CMPK1: variants seen among roughly 807,000 people sequenced by gnomAD.
The protein encoded by CMPK1 is UMP-CMP kinase.
Under a neutral mutation model 25.7 loss-of-function variants are expected in CMPK1, and 10 were observed. The ratio of observed to expected loss-of-function variants is 0.39; its 90% CI spans 0.24 to 0.66. The LOEUF (loss-of-function observed/expected upper bound fraction) is 0.66, where lower values mean the gene tolerates loss of function less well. CMPK1 is among the 30% of genes least tolerant of loss of function. The pLI, the probability that CMPK1 is intolerant of heterozygous loss-of-function variation, is 0.48. For synonymous variants in CMPK1, 106 were observed against 101.5 expected, an observed-to-expected ratio of 1.04 and a Z score of -0.27; for missense variants, 199 against 280.5, an observed-to-expected ratio of 0.71 and a Z score of 2.08.
intron 1 of CMPK1, among the ~76,000 whole-genome samples, chr1:47,344,207 G>A (rs1198248935): frequency 3.3e-5 from 5 of 152,154 alleles, no homozygotes; most frequent in Non-Finnish European, 5.9e-5. Flanking sequence ...ATTTAGGGAC[G>A]TTTAGGGAAG....
chr1:47,340,037 C>T lies in CMPK1; in HGVS notation c.171+5921C>T, dbSNP rs1256211087. Among the ~76,000 whole-genome samples, 173 of 27,162 alleles carry T rather than the reference C, an allele frequency of 6.4e-3. 1 individual carries two copies. Among genetic ancestry groups the T allele is most frequent in the Admixed American group, 0.047 (121 of 2,586 alleles). The allele number at this position is 27,162 out of a possible 152,430, so 17.8% of individuals were successfully genotyped here. On this transcript the variant is annotated intron_variant, in intron 1 of 5. Coordinates refer to ENST00000371873, the MANE Select transcript of CMPK1 (RefSeq NM_016308.3). ...TCTTCCCTCCCCTCCCCTTCCCTTC[C>T]CTCCCCTCCCCTCCCCTCCCCTCCC...
intron 2 of CMPK1, among the ~76,000 whole-genome samples, chr1:47,369,555 T>A (rs1646662009): frequency 6.6e-6 from 1 of 152,106 alleles, no homozygotes; most frequent in African/African-American, 2.4e-5. Context: ...TCCTTTTTTC[T>A]TTTTTGCTTG....
chr1:47,365,300 G>A (rs1049196501), intron 1 of CMPK1, among the ~76,000 whole-genome samples: 5 of 121,980 alleles, frequency 4.1e-5, no homozygotes, highest in Non-Finnish European at 7.0e-5. Context: ...TTGTGTTTTC[G>A]TTGTTTTCTG....
At chr1:47,337,582 T>G (rs2149323528) in intron 1 of CMPK1, among the ~76,000 whole-genome samples, 1 of 152,176 alleles carries the variant, frequency 6.6e-6, no homozygotes, top group African/African-American at 2.4e-5. Context: ...CAATTGCTAT[T>G]CCCTAGCTGG....
chr1:47,347,264 C>CAGTG (rs1273925174), intron 1 of CMPK1, among the ~76,000 whole-genome samples: 2 of 151,728 alleles, frequency 1.3e-5, no homozygotes, highest in Non-Finnish European at 2.9e-5. Flanking sequence ...GGCTGGAGTG[C>CAGTG]AGTGGCACAA....
intron 1 of CMPK1, among the ~76,000 whole-genome samples, chr1:47,363,683 G>A (rs1209521273): frequency 6.6e-6 from 1 of 151,706 alleles, no homozygotes; most frequent in Non-Finnish European, 1.5e-5. Flanking sequence ...GGTGGCTCAC[G>A]CTTGTAATCC....
intron 1 of CMPK1, among the ~76,000 whole-genome samples, chr1:47,336,138 GAAAT>G (rs61064131): frequency 6.6e-5 from 10 of 150,508 alleles, no homozygotes; most frequent in Admixed American, 6.6e-5. Context: ...CTCCGTCTCA[GAAAT>G]AAATAAATAA....
chr1:47,339,750 C>G (rs1646426176), intron 1 of CMPK1, among the ~76,000 whole-genome samples: 1 of 148,170 alleles, frequency 6.7e-6, no homozygotes, highest in Admixed American at 6.8e-5. Flanking sequence ...CTCTGTCGCC[C>G]AGACGGGAGT....
rs567797279 is a variant in CMPK1 at position 47,360,555 on chromosome 1, A to T, written c.172-7914A>T. Among the ~76,000 whole-genome samples the T allele has an allele frequency of 2.0e-5, 3 of 152,336 alleles. No homozygotes were observed. In the South Asian group the frequency reaches 6.2e-4, roughly 32 times the overall value. On this transcript the variant is annotated intron_variant, in intron 1 of 5. Transcript: ENST00000371873. Reference sequence around the variant, plus strand: ...GAAGAATCAGCTTCCCCAAGCAGACAATCATCAAGTCATTAAAGTCATAAA... The same window carrying T: ...GAAGAATCAGCTTCCCCAAGCAGACTATCATCAAGTCATTAAAGTCATAAA...
At chr1:47,368,740 A>G in intron 2 of CMPK1, 125 bp downstream of exon 2, 1 of 853,662 alleles carries the variant, frequency 1.2e-6, no homozygotes, top group Non-Finnish European at 1.7e-6. Context: ...CAAGAGGATC[A>G]CTTGAGGCCA....
intron 1 of CMPK1, among the ~76,000 whole-genome samples, chr1:47,343,760 C>T (rs1018641277): frequency 2.6e-5 from 4 of 151,564 alleles, no homozygotes; most frequent in African/African-American, 7.3e-5. Flanking sequence ...TGGTGGCGGG[C>T]GCCTGTAGTC....
chr1:47,377,393 C>T lies in CMPK1; in HGVS notation c.*648C>T, dbSNP rs1646714975. On this transcript the variant is annotated 3_prime_UTR_variant, in exon 6 of 6. Coordinates refer to ENST00000371873, the MANE Select transcript of CMPK1 (RefSeq NM_016308.3). ...GGGGCACTAGGGGTTCAGAGCCTGG[C>T]AGAATTGTCAGCTTTAGTCTGACAT... 6.6e-6 allele frequency: 1 copy of T among 152,196 alleles called. No homozygotes were observed. The highest frequency in any genetic ancestry group is 6.6e-5 in the Admixed American group (1 of 15,266). The allele number at this position is 152,196 out of a possible 1,614,324, so 9.4% of individuals were successfully genotyped here.
At position 47,333,943 on chromosome 1, in the gene CMPK1, T is replaced by C; in HGVS notation, c.-3T>C. The C allele has an allele frequency of 1.5e-6, 2 of 1,368,882 alleles. No homozygotes were observed. Among genetic ancestry groups the C allele is most frequent in the South Asian group, 1.5e-5 (1 of 65,460 alleles). The allele number at this position is 1,368,882 out of a possible 1,614,324, so 84.8% of individuals were successfully genotyped here. ...CCCTCAGCGTCCGGCCGAGGCGCGGTGTATGCTGAGCCGCTGCCGCAGCGG... is the reference window on the plus strand; with the variant it reads ...CCCTCAGCGTCCGGCCGAGGCGCGGCGTATGCTGAGCCGCTGCCGCAGCGG... On this transcript the variant is annotated 5_prime_UTR_variant, in exon 1 of 6. Transcript: ENST00000371873.
At chr1:47,371,766 G>A (rs1293892508) in intron 2 of CMPK1, among the ~76,000 whole-genome samples, 5 of 152,164 alleles carry the variant, frequency 3.3e-5, no homozygotes, top group Non-Finnish European at 2.9e-5. Context: ...AAAACAAAAT[G>A]TTTGTTTTGA....
intron 1 of CMPK1, chr1:47,358,321 T>C (rs1242425674): frequency 1.4e-6 from 1 of 693,200 alleles, no homozygotes; most frequent in Admixed American, 2.3e-5. Flanking sequence ...CTATGGTGCA[T>C]AGGCTGATCT....
intron 1 of CMPK1, among the ~76,000 whole-genome samples, chr1:47,359,067 C>G (rs1290653621): frequency 6.6e-6 from 1 of 152,074 alleles, no homozygotes; most frequent in African/African-American, 2.4e-5. Flanking sequence ...ACCTGTAATC[C>G]GTGCACTTTG....
At chr1:47,358,589 G>C (rs910347596) in intron 1 of CMPK1, 31 of 997,996 alleles carry the variant, frequency 3.1e-5, no homozygotes, top group Non-Finnish European at 3.6e-5. Context: ...ATTACCCACT[G>C]TCACACTGGG....
In CMPK1 at chr1:47,377,802, T is replaced by C. The variant is rs1268980749; in HGVS notation, c.*1057T>C. The C allele has an allele frequency of 6.6e-6, 1 of 152,624 alleles. No homozygotes were observed. Among genetic ancestry groups the C allele is most frequent in the Non-Finnish European group, 1.5e-5 (1 of 68,032 alleles). The allele number at this position is 152,624 out of a possible 1,614,324, so 9.5% of individuals were successfully genotyped here. A position where few individuals can be genotyped will look rare whatever the true frequency, so the allele number is the denominator to read the frequency against. ...TGTTTGATTCCCTTCCTTGCTATTT[T>C]TATTCAGTAGATTTTTGTTTGGCAT... On this transcript the variant is annotated 3_prime_UTR_variant, in exon 6 of 6. Transcript: ENST00000371873.
intron 1 of CMPK1, among the ~76,000 whole-genome samples, chr1:47,364,595 G>C (rs1646626198): frequency 6.7e-6 from 1 of 150,064 alleles, no homozygotes; most frequent in South Asian, 2.1e-4. Context: ...GGGATTATAG[G>C]TGTGAGCCAC....
Sources: gnomAD v4.1 joint callset for allele counts (sites outside exome capture counted in the v4.1 genomes callset) on GRCh38, gnomAD v4.1.1 for gene constraint, MANE v1.5 for transcripts, NCBI Gene and HGNC (gene_info 2026-07-23, HGNC 2026-07-21) for gene names.